SYNE2: variants seen among roughly 807,000 people sequenced by gnomAD.
SYNE2 encodes the protein spectrin repeat containing nuclear envelope protein 2.
In SYNE2, 431 loss-of-function variants were observed where a neutral mutation model predicts 856.3. The observed-to-expected ratio is 0.50, with a 90% CI of 0.47 to 0.55. The LOEUF (loss-of-function observed/expected upper bound fraction) is 0.55. Ranked by LOEUF, SYNE2 falls within the 20% of genes least tolerant of loss-of-function variation. The pLI, the probability that SYNE2 is intolerant of heterozygous loss-of-function variation, is 0.00. For missense variants in SYNE2, 8,129 were observed against 8,023.2 expected, an observed-to-expected ratio of 1.01 and a Z score of -0.50; for synonymous variants, 2,923 against 2,872.3, an observed-to-expected ratio of 1.02 and a Z score of -0.56.
intron 94 of SYNE2, among the ~76,000 whole-genome samples, chr14:64,171,311 C>A (rs150518853): frequency 6.6e-6 from 1 of 152,176 alleles, no homozygotes; most frequent in African/African-American, 2.4e-5. Context: ...TAATTGAGTA[C>A]CTTCTCTGTG....
intron 18 of SYNE2, among the ~76,000 whole-genome samples, chr14:63,986,036 C>G (rs2096623126): frequency 6.6e-6 from 1 of 152,202 alleles, no homozygotes; most frequent in South Asian, 2.1e-4. Flanking sequence ...TGTCAAAGAA[C>G]TACATCTTAT....
chr14:63,940,407 C>T (rs1388867081), intron 2 of SYNE2, among the ~76,000 whole-genome samples: 1 of 152,046 alleles, frequency 6.6e-6, no homozygotes, highest in Non-Finnish European at 1.5e-5. Context: ...CGTCAACAAA[C>T]CCATGGTTTT....
In SYNE2 at chr14:64,120,917, T is replaced by C; in HGVS notation, c.13024-10T>C. ...AAATAAATAGCCTGCCATTATGAAA[T>C]GTTTTGCAGCATCCTACCATTCTAA... On this transcript the variant is annotated splice_polypyrimidine_tract_variant and intron_variant, in intron 67 of 115. Coordinates refer to ENST00000555002, the MANE Select transcript of SYNE2 (RefSeq NM_182914.3). 6.2e-7 allele frequency: 1 copy of C among 1,613,944 alleles called. No homozygotes were observed. The highest frequency in any genetic ancestry group is 8.5e-7 in the Non-Finnish European group (1 of 1,179,916).
At chr14:63,801,548 G>A (rs761666404) in intron 1 of SYNE2, among the ~76,000 whole-genome samples, 16 of 151,846 alleles carry the variant, frequency 1.1e-4, no homozygotes, top group Middle Eastern at 3.4e-3. Context: ...GCATGGTGGC[G>A]CATGCCTGTA....
chr14:63,997,908 T>G (rs984321737), intron 25 of SYNE2, among the ~76,000 whole-genome samples: 2 of 152,174 alleles, frequency 1.3e-5, no homozygotes, highest in African/African-American at 4.8e-5. Flanking sequence ...GGTGGATTTG[T>G]TTTTAGAGGT....
intron 1 of SYNE2, among the ~76,000 whole-genome samples, chr14:63,826,335 C>A (rs922575591): frequency 6.6e-6 from 1 of 152,140 alleles, no homozygotes; most frequent in Non-Finnish European, 1.5e-5. Flanking sequence ...GAGTCTCGCT[C>A]TGTTGCCAGT....
At chr14:63,953,376 CAA>C (rs2153434903) in intron 7 of SYNE2, among the ~76,000 whole-genome samples, 1 of 152,206 alleles carries the variant, frequency 6.6e-6, no homozygotes, top group South Asian at 2.1e-4. Flanking sequence ...GAAACAGGAA[CAA>C]GGCTGGTGTG....
rs1354229743 is a variant in SYNE2, at chr14:64,002,913, A to G, written c.3980A>G (p.Asp1327Gly). 6.2e-7 allele frequency: 1 copy of G among 1,614,204 alleles called. No homozygotes were observed. The highest frequency in any genetic ancestry group is 1.7e-5 in the Admixed American group (1 of 60,034). The change falls in exon 30 of 116, where the codon GAC becomes GGC. Residue 1327 changes from aspartate (D) to glycine (G), a missense_variant. Around this residue, in one of 3 missense-constraint regions of SYNE2, gnomAD observed 2,422 missense variants for 2,357.4 expected, o/e 1.03. Coordinates refer to ENST00000555002, the MANE Select transcript of SYNE2 (RefSeq NM_182914.3). Reference protein sequence around the residue: ...RSEDTLKALEDFLASLRTAKL... With the variant: ...RSEDTLKALEGFLASLRTAKL... ...GAAGATACTCTCAAAGCTCTGGAAG[A>G]CTTTTTGGCGTCTCTCAGAACAGCT...
chr14:63,964,725 T>C (rs1247509076), intron 10 of SYNE2, among the ~76,000 whole-genome samples: 1 of 152,038 alleles, frequency 6.6e-6, no homozygotes, highest in East Asian at 1.9e-4. Context: ...GGTTTCTCCA[T>C]GTTGGTCAGG....
At chr14:63,872,687 G>A (rs1000611816) in intron 1 of SYNE2, among the ~76,000 whole-genome samples, 2 of 150,354 alleles carry the variant, frequency 1.3e-5, no homozygotes, top group Non-Finnish European at 1.5e-5. Context: ...GCTTGAAACC[G>A]GGAGGCAGAG....
At chr14:63,814,501 A>G (rs904242881) in intron 1 of SYNE2, among the ~76,000 whole-genome samples, 3 of 86,578 alleles carry the variant, frequency 3.5e-5, no homozygotes, top group African/African-American at 7.7e-5. Flanking sequence ...ATATCCATAT[A>G]TATAATATAT....
intron 94 of SYNE2, chr14:64,174,038 AAT>A: frequency 1.6e-6 from 1 of 620,158 alleles, no homozygotes; most frequent in African/African-American, 1.9e-5. Context: ...TATAGAAAAA[AAT>A]AAAAATAAAC....
intron 45 of SYNE2, among the ~76,000 whole-genome samples, chr14:64,043,929 C>G (rs987513971): frequency 6.6e-6 from 1 of 152,206 alleles, no homozygotes; most frequent in Non-Finnish European, 1.5e-5. Context: ...ACAGTCACAG[C>G]TCACTGTAGC....
Position 63,950,237 on chromosome 14 carries a change from G to A in SYNE2, c.590+231G>A, listed in dbSNP as rs891493255. 2.0e-5 allele frequency among the ~76,000 whole-genome samples: 3 copies of A among 152,126 alleles called. No homozygotes were observed. The highest frequency in any genetic ancestry group is 4.4e-5 in the Non-Finnish European group (3 of 68,028). ...TCATCCCACCTGCTGTGTTTAGGTG[G>A]CATATTATTACATGGAAATAAAGTG... On this transcript the variant is annotated intron_variant, in intron 7 of 115. Transcript: ENST00000555002.
chr14:64,076,087 A>T lies in SYNE2; in HGVS notation c.11009A>T (p.Asp3670Val). The change falls in exon 54 of 116, where the codon GAC (aspartate) becomes GTC (valine). Residue 3670 changes from aspartate to valine, a missense_variant. Transcript: ENST00000555002. ...GAAGAATGCAGAAAAGCTTTAGAAGACATAGATGAGAAGGTAATAATAATG... is the reference window on the plus strand; with the variant it reads ...GAAGAATGCAGAAAAGCTTTAGAAGTCATAGATGAGAAGGTAATAATAATG... ...QVEECRKALE[D>V]IDEKISNEVL... The T allele has an allele frequency of 6.2e-7, 1 of 1,613,702 alleles. No homozygotes were observed. The highest frequency in any genetic ancestry group is 8.5e-7 in the Non-Finnish European group (1 of 1,179,754).
intron 6 of SYNE2, among the ~76,000 whole-genome samples, chr14:63,945,107 T>G (rs1401144666): frequency 1.1e-4 from 2 of 17,924 alleles, no homozygotes; most frequent in Admixed American, 7.7e-4. Context: ...ACCTGGCCTT[T>G]TTTTTTTTTT....
At position 64,012,992 on chromosome 14, in the gene SYNE2, A is replaced by G. The variant is rs117619809; in HGVS notation, c.4728+2876A>G. Among the ~76,000 whole-genome samples the G allele has an allele frequency of 1.1e-3, 162 of 152,282 alleles. 3 individuals are homozygous for G. The South Asian group carries it at 0.015, about 14-fold the overall frequency. The stretch of plus-strand genomic sequence containing the variant: ...ATCTAGGATATGGTGACAAAGTTCT[A>G]CTCTCTTTAATGAAAGACAGAAGTG... On this transcript the variant is annotated intron_variant, in intron 32 of 115. Coordinates refer to ENST00000555002, the MANE Select transcript of SYNE2 (RefSeq NM_182914.3).
At chr14:63,812,756 C>T (rs555326008) in intron 1 of SYNE2, among the ~76,000 whole-genome samples, 127 of 152,214 alleles carry the variant, frequency 8.3e-4, no homozygotes, top group Non-Finnish European at 1.1e-3. Flanking sequence ...TGACTTCCTG[C>T]AACAGTTGAC....
At chr14:63,962,012 T>G (rs1322579556) in intron 9 of SYNE2, among the ~76,000 whole-genome samples, 1 of 151,672 alleles carries the variant, frequency 6.6e-6, no homozygotes, top group Non-Finnish European at 1.5e-5. Flanking sequence ...ATATCAAATT[T>G]TTATTATAAT....
Sources: gnomAD v4.1 joint callset for allele counts (sites outside exome capture counted in the v4.1 genomes callset) on GRCh38, gnomAD v4.1.1 for gene constraint, gnomAD v4.1.1 regional missense constraint, MANE v1.5 for transcripts, NCBI Gene and HGNC (gene_info 2026-07-23, HGNC 2026-07-21) for gene names.